CST4: variants seen among roughly 807,000 people sequenced by gnomAD.
CST4 encodes cystatin S, also known as cystatin-S.
CST4 carries 17 observed loss-of-function variants against 11.2 expected under a neutral mutation model. The observed-to-expected ratio is 1.52, with a 90% CI of 1.04 to 2.27. The LOEUF is 2.27. Among genes scored for constraint, CST4 ranks in the 30% most tolerant of loss-of-function variants. The pLI, the probability that CST4 is intolerant of heterozygous loss-of-function variation, is 0.00. For synonymous variants in CST4, 93 were observed against 70.1 expected (o/e 1.33, Z -1.63); for missense variants, 251 against 180.2 (o/e 1.39, Z -2.25).
Position 23,687,134 on chromosome 20 carries a change from G to C in CST4, c.296C>G (p.Pro99Arg). 3.1e-6 allele frequency: 5 copies of C among 1,614,110 alleles called. No homozygotes were observed. The highest frequency in any genetic ancestry group is 2.5e-6 in the Non-Finnish European group (3 of 1,180,016). ...VGRTICTKSQ[P>R]NLDTCAFHEQ... is the part of the protein sequence containing the mutation. ...ATGGAAGGCACAGGTGTCCAAGTTG[G>C]GCTGGGACTTGGTACATATGGTGCG... The change falls in exon 2 of 3, where the codon CCC becomes CGC. Residue 99 changes from proline (P) to arginine (R), a missense_variant. Physicochemically the swap from Pro to Arg is moderately radical, Grantham distance 103. Coordinates refer to ENST00000217423, the MANE Select transcript of CST4 (RefSeq NM_001899.3).
Position 23,688,296 on chromosome 20 carries a change from G to A in CST4, c.228+446C>T, listed in dbSNP as rs1161684909. Among the ~76,000 whole-genome samples the A allele has an allele frequency of 5.9e-5, 9 of 152,228 alleles. No individual in the cohort carries two copies. In the East Asian group the frequency reaches 1.7e-3, roughly 29 times the overall value. ...AGGGTGAAGGCCACTAGCCCTAAGGGGCTGTGCCCAAGGGCATGACTTGGG... is the reference window on the plus strand; with the variant it reads ...AGGGTGAAGGCCACTAGCCCTAAGGAGCTGTGCCCAAGGGCATGACTTGGG... On this transcript the variant is annotated intron_variant, in intron 1 of 2. Transcript: ENST00000217423.
intron 2 of CST4, among the ~76,000 whole-genome samples, chr20:23,686,372 C>T (rs1435004429): frequency 6.6e-6 from 1 of 152,138 alleles, no homozygotes; most frequent in Non-Finnish European, 1.5e-5. Context: ...GGCAGGGCAA[C>T]TCCCCCTCAA....
intron 2 of CST4, among the ~76,000 whole-genome samples, chr20:23,686,426 T>A (rs1049956303): frequency 6.6e-6 from 1 of 152,048 alleles, no homozygotes; most frequent in African/African-American, 2.4e-5. Context: ...AGTGCCGCTC[T>A]CCCCTGAGTG....
chr20:23,688,715 GA>G, intron 1 of CST4, 26 bp downstream of exon 1: 1 of 1,611,316 alleles, frequency 6.2e-7, no homozygotes. Context: ...TAGGGCTCAG[GA>G]CCCCTCGGGT....
intron 2 of CST4, among the ~76,000 whole-genome samples, chr20:23,686,686 C>T (rs1981052455): frequency 2.0e-5 from 3 of 152,126 alleles, no homozygotes; most frequent in Admixed American, 2.0e-4. Context: ...TAACCATTCC[C>T]AAGCTAAAGC....
intron 1 of CST4, among the ~76,000 whole-genome samples, 176 bp from the exon 2 acceptor site, chr20:23,687,377 A>G (rs1223425911): frequency 5.3e-5 from 8 of 152,158 alleles, no homozygotes; most frequent in Non-Finnish European, 1.0e-4. Flanking sequence ...GCTGAGCCTC[A>G]TGCCCGCTCT....
Position 23,685,781 on chromosome 20 carries a change from G to T in CST4, c.*113C>A. The T allele has an allele frequency of 9.3e-7, 1 of 1,071,178 alleles. No homozygotes were observed. Among genetic ancestry groups the T allele is most frequent in the South Asian group, 1.4e-5 (1 of 70,616 alleles). The allele number at this position is 1,071,178 out of a possible 1,614,324, so 66.4% of individuals were successfully genotyped here. A position where few individuals can be genotyped will look rare whatever the true frequency, so the allele number is the denominator to read the frequency against. On this transcript the variant is annotated 3_prime_UTR_variant, in exon 3 of 3. Transcript: ENST00000217423. ...TGCAGCCTTCTCTGTCTGTCTCTTGGCACAGGCACATGGGGAGGCCTCCCG... is the reference window on the plus strand; with the variant it reads ...TGCAGCCTTCTCTGTCTGTCTCTTGTCACAGGCACATGGGGAGGCCTCCCG...
rs1981077561 is a variant in CST4 at position 23,687,205 on chromosome 20, C to T, written c.229-4G>A. 3 of 1,613,802 alleles carry T rather than the reference C, an allele frequency of 1.9e-6. No individual in the cohort carries two copies. The highest frequency in any genetic ancestry group is 2.7e-5 in the African/African-American group (2 of 74,696). On this transcript the variant is annotated splice_polypyrimidine_tract_variant and splice_region_variant and intron_variant, in intron 1 of 2. Coordinates refer to ENST00000217423, the MANE Select transcript of CST4 (RefSeq NM_001899.3). ...AGTAATTCACCCCCCCAAAGGTCTG[C>T]ACACAGGAGAAAACAGGAAGCACGG...
chr20:23,685,957 C>A lies in CST4; in HGVS notation c.363G>T (p.Glu121Asp). The A allele has an allele frequency of 6.2e-7, 1 of 1,614,036 alleles. No individual in the cohort carries two copies. Among genetic ancestry groups the A allele is most frequent in the Admixed American group, 1.7e-5 (1 of 60,020 alleles). Reference sequence around the variant, plus strand: ...TGTCCTCCCAGGGAACTTCGTAGATCTCGAAAGAGCACAACTGTTTCTGTG... The same window carrying A: ...TGTCCTCCCAGGGAACTTCGTAGATATCGAAAGAGCACAACTGTTTCTGTG... The part of the protein sequence containing the change: ...ELQKKQLCSF[E>D]IYEVPWEDRM... Residue 121 changes from glutamate (E) to aspartate (D), a missense_variant, in exon 3 of 3, where the codon GAG becomes GAT. Coordinates refer to ENST00000217423, the MANE Select transcript of CST4 (RefSeq NM_001899.3).
chr20:23,685,803 C>T lies in CST4; in HGVS notation c.*91G>A, dbSNP rs1275203352. 15 of 1,396,570 alleles carry T rather than the reference C, an allele frequency of 1.1e-5. No homozygotes were observed. The highest frequency in any genetic ancestry group is 1.5e-5 in the Non-Finnish European group (15 of 997,668). 86.5% of individuals were successfully genotyped at this position (1,396,570 alleles called of 1,614,324 possible). ...TTGGCACAGGCACATGGGGAGGCCT[C>T]CCGCAGGGTGGGGGCCACCAGTCCA... On this transcript the variant is annotated 3_prime_UTR_variant, in exon 3 of 3. Transcript: ENST00000217423.
chr20:23,687,539 C>T (rs542343252), intron 1 of CST4, among the ~76,000 whole-genome samples: 40 of 152,312 alleles, frequency 2.6e-4, no homozygotes, highest in Admixed American at 1.8e-3. Context: ...TCCATTTAAC[C>T]TAGATTTATT....
Position 23,688,902 on chromosome 20 carries a change from G to C in CST4, c.68C>G (p.Ser23Cys). ...TGGGATTATCCTATTCTCCTCCTTG[G>C]AGCTCGAGGCCAGAGCCCCAGCCAG... is the stretch of plus-strand genomic sequence containing the variant. ...ATLAGALASS[S>C]KEENRIIPGG... Residue 23 changes from serine (S) to cysteine (C), a missense_variant, in exon 1 of 3, where the codon TCC becomes TGC. Transcript: ENST00000217423. The C allele has an allele frequency of 6.2e-7, 1 of 1,614,152 alleles. No individual in the cohort carries two copies.
intron 1 of CST4, among the ~76,000 whole-genome samples, chr20:23,688,312 A>T (rs376905021): frequency 6.6e-6 from 1 of 152,342 alleles, no homozygotes. Context: ...GCCCAAGGGC[A>T]TGACTTGGGG....
At chr20:23,686,589 C>T (rs1377673299) in intron 2 of CST4, among the ~76,000 whole-genome samples, 1 of 152,028 alleles carries the variant, frequency 6.6e-6, no homozygotes, top group African/African-American at 2.4e-5. Flanking sequence ...TTAGACAGAT[C>T]CCCTTCTCCC....
At position 23,688,887 on chromosome 20, in the gene CST4, C is replaced by G. The variant is rs759170819; in HGVS notation, c.83G>C (p.Arg28Thr). Reference sequence around the variant, plus strand: ...ATCATAGATGCCACCTGGGATTATCCTATTCTCCTCCTTGGAGCTCGAGGC... The same window carrying G: ...ATCATAGATGCCACCTGGGATTATCGTATTCTCCTCCTTGGAGCTCGAGGC... ...ALASSSKEEN[R>T]IIPGGIYDAD... Residue 28 changes from arginine to threonine, a missense_variant, in exon 1 of 3, where the codon AGG becomes ACG. Transcript: ENST00000217423. The G allele has an allele frequency of 6.8e-6, 11 of 1,614,024 alleles. No individual in the cohort carries two copies. Among genetic ancestry groups the G allele is most frequent in the Non-Finnish European group, 9.3e-6 (11 of 1,180,022 alleles).
chr20:23,685,784 C>G lies in CST4; in HGVS notation c.*110G>C. The stretch of plus-strand genomic sequence containing the variant: ...AGCCTTCTCTGTCTGTCTCTTGGCA[C>G]AGGCACATGGGGAGGCCTCCCGCAG... On this transcript the variant is annotated 3_prime_UTR_variant, in exon 3 of 3. Coordinates refer to ENST00000217423, the MANE Select transcript of CST4 (RefSeq NM_001899.3). 9.0e-7 allele frequency: 1 copy of G among 1,111,198 alleles called. No individual in the cohort carries two copies. The highest frequency in any genetic ancestry group is 1.4e-5 in the South Asian group (1 of 72,202). 68.8% of individuals were successfully genotyped at this position (1,111,198 alleles called of 1,614,324 possible).
In CST4 at chr20:23,688,917, G is replaced by C. The variant is rs963459684; in HGVS notation, c.53C>G (p.Ala18Gly). 1.8e-5 allele frequency: 29 copies of C among 1,614,052 alleles called. No individual in the cohort carries two copies. The African/African-American group carries it at 3.2e-4, about 18-fold the overall frequency. The change falls in exon 1 of 3, where the codon GCT (alanine) becomes GGT (glycine). Residue 18 changes from alanine to glycine, a missense_variant. Physicochemically the swap from Ala to Gly is moderately conservative, Grantham distance 60. Transcript: ENST00000217423. ...CTCCTCCTTGGAGCTCGAGGCCAGA[G>C]CCCCAGCCAGGGTAGCCATCAGGAG... ...LLLLMATLAG[A>G]LASSSKEENR...
At position 23,686,266 on chromosome 20, in the gene CST4, A is replaced by G. The variant is rs1028561889; in HGVS notation, c.343-289T>C. Among the ~76,000 whole-genome samples, 11 of 152,140 alleles carry G rather than the reference A, an allele frequency of 7.2e-5. No homozygotes were observed. In the East Asian group the frequency reaches 1.7e-3, roughly 24 times the overall value. On this transcript the variant is annotated intron_variant, in intron 2 of 2. Transcript: ENST00000217423. ...CCTGGGCAAGGCCTCGGGAGCCCCA[A>G]GGGTGCAGGACATGGGGAGGTGGCT...
Position 23,685,964 on chromosome 20 carries a change from G to A in CST4, c.356C>T (p.Ser119Phe), listed in dbSNP as rs761623315. The change falls in exon 3 of 3, where the codon TCT becomes TTT. Residue 119 changes from serine (S) to phenylalanine (F), a missense_variant. Ser to Phe is a radical substitution (Grantham distance 155). Transcript: ENST00000217423. ...CCAGGGAACTTCGTAGATCTCGAAA[G>A]AGCACAACTGTTTCTGTGAAAGGGA... ...QPELQKKQLC[S>F]FEIYEVPWED... 2.5e-6 allele frequency: 4 copies of A among 1,614,026 alleles called. No individual in the cohort carries two copies. The highest frequency in any genetic ancestry group is 2.2e-5 in the South Asian group (2 of 91,084).
Sources: gnomAD v4.1 joint callset for allele counts (sites outside exome capture counted in the v4.1 genomes callset) on GRCh38, gnomAD v4.1.1 for gene constraint, MANE v1.5 for transcripts, NCBI Gene and HGNC (gene_info 2026-07-23, HGNC 2026-07-21) for gene names.